CHRM3: variants seen among roughly 807,000 people sequenced by gnomAD.
CHRM3 encodes cholinergic receptor muscarinic 3, also known as muscarinic acetylcholine receptor M3.
In CHRM3, 11 loss-of-function variants were observed where a neutral mutation model predicts 41.8. The ratio of observed to expected loss-of-function variants is 0.26; its 90% CI spans 0.17 to 0.44. CHRM3 has a LOEUF of 0.44. Among genes scored for constraint, CHRM3 ranks in the 20% least tolerant of loss-of-function variants. The probability of loss-of-function intolerance (pLI) is 1.00; values close to 1 mark genes in which losing one functional copy is unlikely to be tolerated. For synonymous variants in CHRM3, 297 were observed against 301.4 expected (o/e 0.99, Z 0.15); for missense variants, 571 against 745.4 (o/e 0.77, Z 2.72).
At chr1:239,456,727 A>G (rs1664970102) in intron 1 of CHRM3, among the ~76,000 whole-genome samples, 1 of 152,174 alleles carries the variant, frequency 6.6e-6, no homozygotes, top group South Asian at 2.1e-4. Context: ...AACATTTGGA[A>G]CTGGGGCTGT....
chr1:239,905,791 A>G (rs533047344), intron 6 of CHRM3, among the ~76,000 whole-genome samples: 3 of 152,296 alleles, frequency 2.0e-5, no homozygotes, highest in South Asian at 4.1e-4. Flanking sequence ...TTCTACTAAC[A>G]TTTATTATTG....
chr1:239,818,414 G>A (rs1449876684), intron 5 of CHRM3, among the ~76,000 whole-genome samples: 1 of 152,212 alleles, frequency 6.6e-6, no homozygotes, highest in Non-Finnish European at 1.5e-5. Context: ...TAGGGGCACA[G>A]TGACATTTGC....
At chr1:239,734,268 G>T (rs1156857229) in intron 5 of CHRM3, among the ~76,000 whole-genome samples, 3 of 152,076 alleles carry the variant, frequency 2.0e-5, no homozygotes, top group Non-Finnish European at 2.9e-5. Flanking sequence ...AGAGTATCTT[G>T]TTGCACCAGA....
intron 5 of CHRM3, among the ~76,000 whole-genome samples, chr1:239,771,847 G>A (rs1163228067): frequency 1.3e-5 from 2 of 152,188 alleles, no homozygotes; most frequent in African/African-American, 4.8e-5. Flanking sequence ...GATATGAAAA[G>A]CAGTGTGGTC....
chr1:239,427,173 G>A (rs1021009800), intron 1 of CHRM3, among the ~76,000 whole-genome samples: 2 of 152,126 alleles, frequency 1.3e-5, no homozygotes, highest in Admixed American at 1.3e-4. Flanking sequence ...GAGAATAAGA[G>A]GGAGTGTTAG....
At chr1:239,659,058 C>T (rs1672964921) in intron 4 of CHRM3, among the ~76,000 whole-genome samples, 1 of 152,058 alleles carries the variant, frequency 6.6e-6, no homozygotes. Context: ...TTTAATAAAT[C>T]CATTCCATGT....
chr1:239,717,473 A>G (rs1240131998), intron 5 of CHRM3, among the ~76,000 whole-genome samples: 1 of 152,032 alleles, frequency 6.6e-6, no homozygotes, highest in Middle Eastern at 3.2e-3. Flanking sequence ...ACACGCACAC[A>G]CACACACACA....
At chr1:239,726,100 C>G (rs1295615741) in intron 5 of CHRM3, among the ~76,000 whole-genome samples, 1 of 151,916 alleles carries the variant, frequency 6.6e-6, no homozygotes, top group Non-Finnish European at 1.5e-5. Context: ...TGCTTGTGCA[C>G]TACAACAGCA....
intron 4 of CHRM3, among the ~76,000 whole-genome samples, chr1:239,668,531 A>G (rs895916792): frequency 1.3e-5 from 2 of 152,282 alleles, no homozygotes; most frequent in Non-Finnish European, 2.9e-5. Flanking sequence ...CATTTTAATA[A>G]CTCTGCATTG....
chr1:239,482,501 G>A (rs1558256040), intron 1 of CHRM3, among the ~76,000 whole-genome samples: 1 of 152,152 alleles, frequency 6.6e-6, no homozygotes, highest in Non-Finnish European at 1.5e-5. Flanking sequence ...TTAACGCCTA[G>A]AATACCTCTC....
At chr1:239,399,754 C>CACTT (rs1327193985) in intron 1 of CHRM3, among the ~76,000 whole-genome samples, 1 of 152,122 alleles carries the variant, frequency 6.6e-6, no homozygotes, top group Non-Finnish European at 1.5e-5. Flanking sequence ...TGTTGATAGA[C>CACTT]ACTTAGTTTG....
intron 4 of CHRM3, among the ~76,000 whole-genome samples, chr1:239,658,153 C>A (rs1672881254): frequency 6.6e-6 from 1 of 152,136 alleles, no homozygotes; most frequent in South Asian, 2.1e-4. Context: ...CTATTGAGAT[C>A]TAGTCTTTTA....
At position 239,476,463 on chromosome 1, in the gene CHRM3, C is replaced by CAA. The variant is rs71567246; in HGVS notation, c.-520-16229_-520-16228dup. 3.3e-3 allele frequency among the ~76,000 whole-genome samples: 384 copies of CAA among 117,630 alleles called. 4 individuals carry two copies. The highest frequency in any genetic ancestry group is 0.032 in the East Asian group (136 of 4,282). 77.2% of individuals were successfully genotyped at this position (117,630 alleles called of 152,430 possible). A position where few individuals can be genotyped will look rare whatever the true frequency, so the allele number is the denominator to read the frequency against. On this transcript the variant is annotated intron_variant, in intron 1 of 6. Coordinates refer to ENST00000676153, the MANE Select transcript of CHRM3 (RefSeq NM_001375978.1). ...CTGGGTGACAGAGCAAGACTCCATC[C>CAA]AAAAAAAAAAAAAAAAAATTGCTGG...
At chr1:239,709,513 A>G (rs1215285466) in intron 5 of CHRM3, among the ~76,000 whole-genome samples, 19 of 152,164 alleles carry the variant, frequency 1.2e-4, no homozygotes, top group Admixed American at 1.2e-3. Flanking sequence ...CAGTGACTTT[A>G]TCTACTCATG....
chr1:239,560,564 T>C (rs115896170), intron 3 of CHRM3, among the ~76,000 whole-genome samples: 1,878 of 152,274 alleles, frequency 0.012, 45 homozygotes, highest in African/African-American at 0.043. Context: ...TTCTAAAATA[T>C]ACTTCCAAGG....
chr1:239,592,079 G>A (rs1015159234), intron 3 of CHRM3, among the ~76,000 whole-genome samples: 8 of 152,150 alleles, frequency 5.3e-5, no homozygotes, highest in African/African-American at 1.2e-4. Flanking sequence ...TCTCTCTGGC[G>A]AGGTAGATTG....
intron 6 of CHRM3, among the ~76,000 whole-genome samples, chr1:239,904,276 C>T (rs1224047888): frequency 6.6e-6 from 1 of 152,134 alleles, no homozygotes; most frequent in Non-Finnish European, 1.5e-5. Context: ...GAAAACCAAA[C>T]TGGATGAATA....
chr1:239,755,412 T>C (rs1021109319), intron 5 of CHRM3, among the ~76,000 whole-genome samples: 4 of 152,342 alleles, frequency 2.6e-5, no homozygotes, highest in Admixed American at 6.5e-5. Context: ...TTTATGCCGA[T>C]AATGGAAAAC....
intron 6 of CHRM3, among the ~76,000 whole-genome samples, chr1:239,843,747 T>G (rs908532642): frequency 6.6e-6 from 1 of 152,130 alleles, no homozygotes; most frequent in Non-Finnish European, 1.5e-5. Flanking sequence ...AGGTAAAATT[T>G]TAAAAGGCAG....
Sources: gnomAD v4.1 joint callset for allele counts (sites outside exome capture counted in the v4.1 genomes callset) on GRCh38, gnomAD v4.1.1 for gene constraint, MANE v1.5 for transcripts, NCBI Gene and HGNC (gene_info 2026-07-23, HGNC 2026-07-21) for gene names.